Variants in CCDC15 observed in about 807,000 individuals in gnomAD.
CCDC15 encodes the protein coiled-coil domain-containing protein 15.
Under a neutral mutation model 114.5 loss-of-function variants are expected in CCDC15, and 105 were observed. That is an observed-to-expected ratio of 0.92 (90% CI 0.78 to 1.08). The LOEUF is 1.08. Ranked by LOEUF, CCDC15 falls within the 50% of genes least tolerant of loss-of-function variation. The pLI is 0.00. For synonymous variants in CCDC15, 334 were observed against 377.8 expected, an observed-to-expected ratio of 0.88 and a Z score of 1.34; for missense variants, 1,105 against 1,093.6, an observed-to-expected ratio of 1.01 and a Z score of -0.15.
intron 13 of CCDC15, among the ~76,000 whole-genome samples, chr11:125,027,097 A>G (rs1279690117): frequency 1.3e-5 from 2 of 152,160 alleles, no homozygotes; most frequent in African/African-American, 2.4e-5. Flanking sequence ...GTAGTATTCC[A>G]TGGTGTATAT....
chr11:125,034,401 G>A (rs34902542), intron 13 of CCDC15, among the ~76,000 whole-genome samples: 31,094 of 151,848 alleles, frequency 0.2, 3,787 homozygotes, highest in African/African-American at 0.34. Context: ...AGCCACTCGC[G>A]TGATAAAAGC....
chr11:125,038,437 GAA>G lies in CCDC15; in HGVS notation c.2422_2423del (p.Lys808GlufsTer19). On this transcript the variant is annotated frameshift_variant, in exon 14 of 16. Transcript: ENST00000344762. LOFTEE classifies it high-confidence loss of function. ...EQKKKIEKIK[K>X]KREQECYAAE... Reference sequence around the variant, plus strand: ...GTTATGATTTTATTTTCAGAATTAAGAAAAAGAGAGAGCAAGAATGTTATGCT... The same window carrying G: ...GTTATGATTTTATTTTCAGAATTAAGAAAGAGAGAGCAAGAATGTTATGCT... 1 of 1,479,856 alleles carries G rather than the reference GAA, an allele frequency of 6.8e-7. No homozygotes were observed. The highest frequency in any genetic ancestry group is 9.0e-7 in the Non-Finnish European group (1 of 1,115,858). The allele number at this position is 1,479,856 out of a possible 1,614,324, so 91.7% of individuals were successfully genotyped here.
intron 6 of CCDC15, among the ~76,000 whole-genome samples, chr11:124,984,629 T>C (rs1426929584): frequency 6.6e-6 from 1 of 152,110 alleles, no homozygotes; most frequent in Admixed American, 6.6e-5. Flanking sequence ...TAAGCAGCTC[T>C]CCCTGCCAGC....
rs1479800781 is a variant in CCDC15, at chr11:124,986,752, A to G, written c.764A>G (p.Tyr255Cys). 17 of 1,536,656 alleles carry G rather than the reference A, an allele frequency of 1.1e-5. No homozygotes were observed. Among genetic ancestry groups the G allele is most frequent in the African/African-American group, 8.4e-5 (6 of 71,116 alleles). Residue 255 changes from tyrosine to cysteine, a missense_variant, in exon 7 of 16, where the codon TAT becomes TGT. Coordinates refer to ENST00000344762, the MANE Select transcript of CCDC15 (RefSeq NM_025004.3). The stretch of plus-strand genomic sequence containing the variant: ...TGTTTTTTTCTTTAGGAACTTGACT[A>G]TGAGGAACCTGACTATGAGGAATCT... ...QNYMENQELD[Y>C]EEPDYEESSS...
intron 5 of CCDC15, among the ~76,000 whole-genome samples, chr11:124,976,666 A>G (rs1306248164): frequency 1.3e-5 from 2 of 152,142 alleles, no homozygotes; most frequent in African/African-American, 2.4e-5. Context: ...ATGGATATTT[A>G]TATTGCTTGG....
At chr11:125,025,023 AAT>A (rs376099423) in intron 13 of CCDC15, among the ~76,000 whole-genome samples, 72 of 95,474 alleles carry the variant, frequency 7.5e-4, no homozygotes, top group South Asian at 5.0e-3. Context: ...TATATATATG[AAT>A]ATATATATGA....
intron 13 of CCDC15, among the ~76,000 whole-genome samples, chr11:125,033,354 C>G (rs1948753989): frequency 6.6e-6 from 1 of 152,184 alleles, no homozygotes. Context: ...GGTAGCCGTG[C>G]CCATCTTGCC....
chr11:125,019,246 C>T (rs1034045431), intron 13 of CCDC15, among the ~76,000 whole-genome samples: 17 of 151,938 alleles, frequency 1.1e-4, no homozygotes, highest in Admixed American at 1.3e-4. Context: ...GTGTGTCAAG[C>T]ACTTCGCATA....
chr11:125,011,242 A>ATT lies in CCDC15; in HGVS notation c.2411+6031_2411+6032dup, dbSNP rs558615124. Among the ~76,000 whole-genome samples the ATT allele has an allele frequency of 4.8e-3, 694 of 143,526 alleles. 16 individuals are homozygous for ATT. Among genetic ancestry groups the ATT allele is most frequent in the African/African-American group, 0.017 (641 of 38,242 alleles). The allele number at this position is 143,526 out of a possible 152,430, so 94.2% of individuals were successfully genotyped here. A position where few individuals can be genotyped will look rare whatever the true frequency, so the allele number is the denominator to read the frequency against. On this transcript the variant is annotated intron_variant, in intron 13 of 15. Transcript: ENST00000344762. Reference sequence around the variant, plus strand: ...AAGTATTATTATTATTATTATTATTATTATTATTTTTTAAGATGGAGTTTC... The same window carrying ATT: ...AAGTATTATTATTATTATTATTATTATTTTATTATTTTTTAAGATGGAGTTTC...
At chr11:124,971,645 AT>A (rs1358201684) in intron 4 of CCDC15, among the ~76,000 whole-genome samples, 1 of 151,856 alleles carries the variant, frequency 6.6e-6, no homozygotes, top group African/African-American at 2.4e-5. Context: ...TTTTTTTCTC[AT>A]TTTTTACACT....
At chr11:124,963,355 C>G (rs1947708931) in intron 4 of CCDC15, among the ~76,000 whole-genome samples, 1 of 152,170 alleles carries the variant, frequency 6.6e-6, no homozygotes, top group East Asian at 1.9e-4. Context: ...GAGATGGTAT[C>G]TCATTGTGGT....
chr11:125,027,487 T>TA (rs772898889), intron 13 of CCDC15, among the ~76,000 whole-genome samples: 3 of 152,158 alleles, frequency 2.0e-5, no homozygotes, highest in Non-Finnish European at 4.4e-5. Flanking sequence ...CCCTGATAAG[T>TA]AATGATGTTG....
intron 11 of CCDC15, among the ~76,000 whole-genome samples, chr11:125,002,102 G>A (rs916582964): frequency 2.0e-5 from 3 of 152,100 alleles, no homozygotes; most frequent in African/African-American, 7.2e-5. Context: ...CCATCCAAGT[G>A]GGTGTGAAGT....
chr11:125,037,595 G>C (rs1224196572), intron 13 of CCDC15: 1 of 152,158 alleles, frequency 6.6e-6, no homozygotes, highest in Non-Finnish European at 1.5e-5. Flanking sequence ...AGCCCATCAG[G>C]CTTCACTTCA....
At chr11:125,000,017 A>G (rs917559815) in intron 11 of CCDC15, among the ~76,000 whole-genome samples, 5 of 151,116 alleles carry the variant, frequency 3.3e-5, no homozygotes, top group African/African-American at 1.2e-4. Flanking sequence ...GCCCACCACC[A>G]CGCCTGGCTA....
Position 124,954,707 on chromosome 11 carries a change from T to C in CCDC15, c.-9-17T>C. 1 of 1,611,148 alleles carries C rather than the reference T, an allele frequency of 6.2e-7. No homozygotes were observed. The highest frequency in any genetic ancestry group is 2.2e-5 in the East Asian group (1 of 44,812). On this transcript the variant is annotated splice_polypyrimidine_tract_variant and intron_variant, in intron 1 of 15. Transcript: ENST00000344762. Reference sequence around the variant, plus strand: ...CAGTCATTTGAAGATTTTAAGCTTTTTCTTTCTCCTAATCAGGAGTCACAG... The same window carrying C: ...CAGTCATTTGAAGATTTTAAGCTTTCTCTTTCTCCTAATCAGGAGTCACAG...
intron 13 of CCDC15, among the ~76,000 whole-genome samples, chr11:125,023,797 G>A (rs1350868830): frequency 6.6e-6 from 1 of 151,928 alleles, no homozygotes; most frequent in Non-Finnish European, 1.5e-5. Flanking sequence ...AAGGAATGCG[G>A]GCAATAAAAA....
intron 13 of CCDC15, among the ~76,000 whole-genome samples, chr11:125,013,955 G>GTCT (rs1449780733): frequency 6.6e-6 from 1 of 152,176 alleles, no homozygotes; most frequent in Middle Eastern, 3.2e-3. Flanking sequence ...AGACTCAAGG[G>GTCT]TCTCAAACAT....
chr11:125,003,899 T>C lies in CCDC15; in HGVS notation c.2247T>C (p.Thr749=). The change falls in exon 12 of 16, where the codon ACT becomes ACC. Residue 749 remains threonine, a synonymous_variant. Transcript: ENST00000344762. ...ATAGGTATCAATCAGGATTGAGCACTGAATTCCAAGCTCCACTGGCATTTC... is the reference window on the plus strand; with the variant it reads ...ATAGGTATCAATCAGGATTGAGCACCGAATTCCAAGCTCCACTGGCATTTC... ...AYDRYQSGLS[T]EFQAPLAFQS... is the part of the protein sequence containing the mutation. The C allele has an allele frequency of 6.4e-7, 1 of 1,565,856 alleles. No homozygotes were observed. Among genetic ancestry groups the C allele is most frequent in the African/African-American group, 1.4e-5 (1 of 71,830 alleles).
Sources: gnomAD v4.1 joint callset for allele counts (sites outside exome capture counted in the v4.1 genomes callset) on GRCh38, gnomAD v4.1.1 for gene constraint, MANE v1.5 for transcripts, NCBI Gene and HGNC (gene_info 2026-07-23, HGNC 2026-07-21) for gene names.